CREBBP: variants seen among roughly 807,000 people sequenced by gnomAD.
The protein encoded by CREBBP is CREB binding lysine acetyltransferase.
Under a neutral mutation model 265.0 loss-of-function variants are expected in CREBBP, and 19 were observed. That is an observed-to-expected ratio of 0.07 (90% confidence interval 0.05 to 0.11). The LOEUF is 0.11. Among genes scored for constraint, CREBBP ranks in the 10% least tolerant of loss-of-function variants. The pLI is 1.00. For missense variants in CREBBP, 2,525 were observed against 3,219.0 expected (o/e 0.78, Z 5.22); for synonymous variants, 1,457 against 1,223.7 (o/e 1.19, Z -3.98).
intron 19 of CREBBP, among the ~76,000 whole-genome samples, chr16:3,756,620 G>C (rs909903547): frequency 6.6e-6 from 1 of 152,130 alleles, no homozygotes; most frequent in Admixed American, 6.5e-5. Context: ...TAAAACACCA[G>C]ATCTCATTTT....
chr16:3,848,213 CG>C (rs908529201), intron 2 of CREBBP, among the ~76,000 whole-genome samples: 18 of 151,418 alleles, frequency 1.2e-4, no homozygotes, highest in Non-Finnish European at 1.9e-4. Flanking sequence ...CCACTGGAAA[CG>C]TGACTATTCT....
At chr16:3,802,607 C>A (rs1430824840) in intron 3 of CREBBP, among the ~76,000 whole-genome samples, 4 of 152,010 alleles carry the variant, frequency 2.6e-5, no homozygotes, top group South Asian at 2.1e-4. Flanking sequence ...TCCTCACATT[C>A]CTCACAAAAA....
In CREBBP at chr16:3,871,112, A is replaced by G. The variant is rs561908417; in HGVS notation, c.85+8720T>C. Among the ~76,000 whole-genome samples the G allele has an allele frequency of 2.1e-3, 313 of 151,980 alleles. 1 individual carries two copies. The highest frequency in any genetic ancestry group is 3.9e-3 in the Non-Finnish European group (267 of 67,960). On this transcript the variant is annotated intron_variant, in intron 1 of 30. Transcript: ENST00000262367. ...AGAAAGAAAGAAAAAAGAAAGAAAG[A>G]AGAGAGAAGAGAAAGAAAAGAAACA... is the stretch of plus-strand genomic sequence containing the variant.
intron 11 of CREBBP, among the ~76,000 whole-genome samples, chr16:3,777,322 G>A (rs962888023): frequency 5.3e-5 from 8 of 151,800 alleles, no homozygotes; most frequent in South Asian, 2.1e-4. Flanking sequence ...GCGACAGAGC[G>A]AGACTCCATC....
At chr16:3,767,536 G>A in intron 16 of CREBBP, 184 bp downstream of exon 16, 1 of 754,458 alleles carries the variant, frequency 1.3e-6, no homozygotes, top group Non-Finnish European at 2.1e-6. Flanking sequence ...AGCCCCACAG[G>A]CACAGGGCAG....
chr16:3,859,560 G>C (rs761274704), intron 1 of CREBBP, among the ~76,000 whole-genome samples: 1 of 152,198 alleles, frequency 6.6e-6, no homozygotes, highest in Non-Finnish European at 1.5e-5. Flanking sequence ...CTTCGGACAG[G>C]AGCTGGTCAC....
intron 16 of CREBBP, among the ~76,000 whole-genome samples, chr16:3,763,754 G>C (rs1470012336): frequency 6.6e-6 from 1 of 152,242 alleles, no homozygotes; most frequent in East Asian, 1.9e-4. Context: ...GTGAGCCACT[G>C]CGCCCGGCCT....
In CREBBP at chr16:3,728,593, G is replaced by C. The variant is rs773348705; in HGVS notation, c.6454C>G (p.Pro2152Ala). 7 of 1,613,684 alleles carry C rather than the reference G, an allele frequency of 4.3e-6. No homozygotes were observed. The highest frequency in any genetic ancestry group is 5.9e-6 in the Non-Finnish European group (7 of 1,179,974). Residue 2152 changes from proline (P) to alanine (A), a missense_variant, in exon 31 of 31, where the codon CCC (proline) becomes GCC (alanine). By Grantham distance (27) the Pro-to-Ala change is conservative. Transcript: ENST00000262367. This position sits in a 1 kb window ranked among gnomAD's most constrained non-coding sequence, Gnocchi z 8.7. ...GCCTGCTGCTGTGGAGGCACACCGGGCCGCGGCACGCCAGCCTGCATGGCA... is the reference window on the plus strand; with the variant it reads ...GCCTGCTGCTGTGGAGGCACACCGGCCCGCGGCACGCCAGCCTGCATGGCA... ...LNAMQAGVPR[P>A]GVPPQQQAMG...
At chr16:3,830,677 CCT>C (rs1167136439) in intron 2 of CREBBP, among the ~76,000 whole-genome samples, 18 of 152,112 alleles carry the variant, frequency 1.2e-4, no homozygotes, top group African/African-American at 3.6e-4. Flanking sequence ...TTTTAATAAT[CCT>C]CTCTTAGTAA....
chr16:3,730,707 G>A (rs2051891446), intron 30 of CREBBP, among the ~76,000 whole-genome samples: 1 of 152,188 alleles, frequency 6.6e-6, no homozygotes, highest in African/African-American at 2.4e-5. Context: ...GCAGGTGATG[G>A]TGACTGTCCT....
chr16:3,763,124 C>T (rs1453329101), intron 16 of CREBBP, among the ~76,000 whole-genome samples: 1 of 151,626 alleles, frequency 6.6e-6, no homozygotes, highest in East Asian at 1.9e-4. Context: ...CTAGGCCCTT[C>T]TATGTGCTGT....
intron 18 of CREBBP, 146 bp downstream of exon 18, chr16:3,757,663 C>G (rs1008608042): frequency 8.1e-7 from 1 of 1,227,446 alleles, no homozygotes; most frequent in African/African-American, 1.5e-5. Flanking sequence ...TCACCCATCA[C>G]ATCGCTTCAG....
In CREBBP at chr16:3,758,006, T is replaced by C; in HGVS notation, c.3412A>G (p.Ile1138Val). 1 of 1,613,198 alleles carries C rather than the reference T, an allele frequency of 6.2e-7. No individual in the cohort carries two copies. The highest frequency in any genetic ancestry group is 8.5e-7 in the Non-Finnish European group (1 of 1,179,946). Residue 1138 changes from isoleucine (I) to valine (V), a missense_variant, in exon 18 of 31, where the codon ATC (isoleucine) becomes GTC (valine). Physicochemically the swap from Ile to Val is conservative, Grantham distance 29. This residue lies in a region of CREBBP where 252 missense variants were observed against 452.5 expected (regional missense o/e 0.56). Transcript: ENST00000262367. The stretch of plus-strand genomic sequence containing the variant: ...TGCCCTGTGTCCAGCTTCCGCTTGA[T>C]GGTGGAGAGGTCCATGGGATTCTTT... The part of the protein sequence containing the change: ...IVKNPMDLST[I>V]KRKLDTGQYQ...
At chr16:3,801,575 CAA>C (rs1364339114) in intron 3 of CREBBP, among the ~76,000 whole-genome samples, 1 of 152,020 alleles carries the variant, frequency 6.6e-6, no homozygotes, top group African/African-American at 2.4e-5. Flanking sequence ...GAGGCTGAGG[CAA>C]AAGAATCGCT....
At chr16:3,849,225 G>GTTC (rs2054731872) in intron 2 of CREBBP, among the ~76,000 whole-genome samples, 1 of 7,366 alleles carries the variant, frequency 1.4e-4, no homozygotes, top group Non-Finnish European at 3.0e-3. Context: ...CCTTCTCTGT[G>GTTC]CTCCTGTCAG....
intron 25 of CREBBP, 159 bp downstream of exon 25, chr16:3,739,419 A>G: frequency 1.2e-6 from 1 of 827,370 alleles, no homozygotes; most frequent in South Asian, 1.6e-5. Flanking sequence ...CCGCTAGTTT[A>G]ATGGAAAACA....
At chr16:3,808,118 G>GAGAAAACA (rs1408625002) in intron 3 of CREBBP, among the ~76,000 whole-genome samples, 1 of 150,908 alleles carries the variant, frequency 6.6e-6, no homozygotes, top group Non-Finnish European at 1.5e-5. Flanking sequence ...GAGAAAGAGA[G>GAGAAAACA]GGGGTGGGGA....
intron 2 of CREBBP, among the ~76,000 whole-genome samples, chr16:3,831,419 A>G (rs1201257211): frequency 1.3e-5 from 2 of 152,194 alleles, no homozygotes; most frequent in East Asian, 3.8e-4. Flanking sequence ...TGGGGAAATA[A>G]AAAAGATGCA....
Position 3,729,073 on chromosome 16 carries a change from C to A in CREBBP, c.5974G>T (p.Gly1992Trp). The change falls in exon 31 of 31, where the codon GGG becomes TGG. Residue 1992 changes from glycine to tryptophan, a missense_variant. Gly to Trp is a radical substitution (Grantham distance 184). Coordinates refer to ENST00000262367, the MANE Select transcript of CREBBP (RefSeq NM_004380.3). Reference protein sequence around the residue: ...PPGRTGMGTPGSQMAPVSLNV... With the variant: ...PPGRTGMGTPWSQMAPVSLNV... The stretch of plus-strand genomic sequence containing the variant: ...AGGCTCACGGGGGCCATCTGGCTCC[C>A]CGGGGTCCCCATGCCCGTGCGTCCT... 6.3e-7 allele frequency: 1 copy of A among 1,584,040 alleles called. No homozygotes were observed.
Sources: allele counts gnomAD v4.1 joint callset (sites outside exome capture counted in the v4.1 genomes callset), GRCh38; gene constraint gnomAD v4.1.1; regional missense constraint gnomAD v4.1.1; non-coding constraint Gnocchi (gnomAD v3.1); transcripts MANE v1.5; gene names NCBI Gene and HGNC (gene_info 2026-07-23, HGNC 2026-07-21).